The following NDE1 variants were observed in gnomAD, a reference collection of about 807,000 sequenced individuals.
NDE1 encodes the protein nuclear distribution protein nudE homolog 1.
A neutral mutation model predicts 43.4 loss-of-function variants in NDE1; 28 were observed. That is an observed-to-expected ratio of 0.65 (90% CI 0.48 to 0.89). The LOEUF (loss-of-function observed/expected upper bound fraction) is 0.89, where lower values mean the gene tolerates loss of function less well. Among genes scored for constraint, NDE1 ranks in the 40% least tolerant of loss-of-function variants. NDE1 has a pLI of 0.00. For synonymous variants in NDE1, 184 were observed against 172.0 expected, an observed-to-expected ratio of 1.07 and a Z score of -0.55; for missense variants, 441 against 434.1, an observed-to-expected ratio of 1.02 and a Z score of -0.14.
chr16:15,711,962 G>A (rs931725386), intron 8 of NDE1, among the ~76,000 whole-genome samples: 4 of 152,178 alleles, frequency 2.6e-5, no homozygotes, highest in Non-Finnish European at 5.9e-5. Flanking sequence ...CAAAGTGCTG[G>A]GATTAAGGGG....
At chr16:15,699,961 C>G in intron 8 of NDE1, 1 of 1,208,762 alleles carries the variant, frequency 8.3e-7, no homozygotes, top group Non-Finnish European at 1.1e-6. Flanking sequence ...GCGGCCCAAG[C>G]CAATGACCGA....
chr16:15,712,474 C>A (rs990316373), intron 8 of NDE1, among the ~76,000 whole-genome samples: 1 of 152,038 alleles, frequency 6.6e-6, no homozygotes, highest in South Asian at 2.1e-4. Context: ...ATGGTGCAAC[C>A]CCATCTCTAC....
In NDE1 at chr16:15,717,176, A is replaced by G. The variant is rs769337030; in HGVS notation, c.948-7015A>G. 13 of 1,614,010 alleles carry G rather than the reference A, an allele frequency of 8.1e-6. No individual in the cohort carries two copies. Among genetic ancestry groups the G allele is most frequent in the Non-Finnish European group, 1.0e-5 (12 of 1,180,022 alleles). On this transcript the variant is annotated intron_variant, in intron 8 of 8. Coordinates refer to ENST00000396354, the MANE Select transcript of NDE1 (RefSeq NM_017668.3). ...CTCGACCTGCTCCTCCAGCTGTGCA[A>G]TCTTGGCCTCCAGCGCCGCGATGGT... is the stretch of plus-strand genomic sequence containing the variant.
At chr16:15,706,655 C>T (rs1474430935) in intron 8 of NDE1, among the ~76,000 whole-genome samples, 1 of 151,120 alleles carries the variant, frequency 6.6e-6, no homozygotes, top group African/African-American at 2.4e-5. Context: ...TGCAGTGAGC[C>T]AACGTTGTGC....
chr16:15,716,392 G>A (rs1331527783), intron 8 of NDE1, among the ~76,000 whole-genome samples: 1 of 152,214 alleles, frequency 6.6e-6, no homozygotes, highest in Non-Finnish European at 1.5e-5. Context: ...GAGAATGGGT[G>A]AGAATCCTTA....
chr16:15,707,002 C>A (rs2039491729), intron 8 of NDE1, among the ~76,000 whole-genome samples: 1 of 152,112 alleles, frequency 6.6e-6, no homozygotes, highest in African/African-American at 2.4e-5. Flanking sequence ...ACTAAGGGAC[C>A]CCCCTAAAGG....
In NDE1 at chr16:15,704,036, C is replaced by T. The variant is rs761000142; in HGVS notation, c.947+7176C>T. On this transcript the variant is annotated intron_variant, in intron 8 of 8. Transcript: ENST00000396354. ...CATTGAAGTCTGCGTCTCGAGTGTC[C>T]GTTTCCTCCTCAGAACCATCTGCAT... is the stretch of plus-strand genomic sequence containing the variant. 1.8e-5 allele frequency: 29 copies of T among 1,613,918 alleles called. No individual in the cohort carries two copies. Among genetic ancestry groups the T allele is most frequent in the Admixed American group, 1.0e-4 (6 of 59,964 alleles).
At chr16:15,694,555 C>A in intron 7 of NDE1, 1 of 882,312 alleles carries the variant, frequency 1.1e-6, no homozygotes, top group Non-Finnish European at 1.4e-6. Context: ...GCTGTGTTGC[C>A]CAGGCTGGTC....
chr16:15,709,593 G>A (rs1279353430), intron 8 of NDE1, among the ~76,000 whole-genome samples: 1 of 152,198 alleles, frequency 6.6e-6, no homozygotes, highest in Non-Finnish European at 1.5e-5. Flanking sequence ...GGGATTACAG[G>A]TGTGAGCCAC....
exon 1 of NDE1, chr16:15,643,801 A>G (rs1296194513): frequency 6.4e-6 from 1 of 156,170 alleles, no homozygotes; most frequent in Non-Finnish European, 1.4e-5. Context: ...ATTGCCACCA[A>G]GAATCAAGAG....
intron 8 of NDE1, among the ~76,000 whole-genome samples, chr16:15,698,671 G>A (rs924154618): frequency 1.3e-5 from 2 of 151,890 alleles, no homozygotes; most frequent in African/African-American, 4.8e-5. Flanking sequence ...GACCAAACTG[G>A]GCAACATGGT....
intron 1 of NDE1, among the ~76,000 whole-genome samples, chr16:15,661,839 C>G (rs975323617): frequency 6.6e-6 from 1 of 152,108 alleles, no homozygotes; most frequent in Non-Finnish European, 1.5e-5. Flanking sequence ...TCCTTTTTCT[C>G]TCTCCCCTGC....
At position 15,643,529 on chromosome 16, in the gene NDE1, C is replaced by T. The variant is rs79063947; in HGVS notation, c.-564C>T. 2.9e-3 allele frequency: 1,052 copies of T among 361,894 alleles called. 36 individuals are homozygous for T. In the East Asian group the frequency reaches 0.086, roughly 29 times the overall value. 22.4% of individuals were successfully genotyped at this position (361,894 alleles called of 1,614,324 possible). A position where few individuals can be genotyped will look rare whatever the true frequency, so the allele number is the denominator to read the frequency against. ...GCTCTTTCAGGCTTTGGAGGGAAGG[C>T]GATTTGAACGGGATTTCAATGAAAA... On this transcript the variant is annotated 5_prime_UTR_variant, in exon 1 of 10. Transcript: ENST00000396355.
intron 4 of NDE1, among the ~76,000 whole-genome samples, chr16:15,680,002 C>T (rs1449320591): frequency 1.3e-5 from 2 of 152,156 alleles, no homozygotes; most frequent in Non-Finnish European, 2.9e-5. Context: ...TGGTCTCATA[C>T]TCCTGACCTG....
Position 15,725,555 on chromosome 16 carries a change from TC to T in NDE1, c.*1307del. The T allele has an allele frequency of 2.4e-6, 1 of 410,258 alleles. No homozygotes were observed. The allele number at this position is 410,258 out of a possible 1,614,324, so 25.4% of individuals were successfully genotyped here. A position where few individuals can be genotyped will look rare whatever the true frequency, so the allele number is the denominator to read the frequency against. Reference sequence around the variant, plus strand: ...TTACTCCCTAGTGTCTCTGCATAAGTCCCTTTGAGGCTGTTAGCCTACCCCT... The same window carrying T: ...TTACTCCCTAGTGTCTCTGCATAAGTCCTTTGAGGCTGTTAGCCTACCCCT... On this transcript the variant is annotated 3_prime_UTR_variant, in exon 9 of 9. Coordinates refer to ENST00000396354, the MANE Select transcript of NDE1 (RefSeq NM_017668.3).
intron 6 of NDE1, among the ~76,000 whole-genome samples, chr16:15,692,762 A>G (rs1466241341): frequency 6.6e-6 from 1 of 151,872 alleles, no homozygotes; most frequent in African/African-American, 2.4e-5. Context: ...TTAGAGACAC[A>G]GTCTTGGTCT....
At chr16:15,714,692 C>G in intron 8 of NDE1, 1 of 634,760 alleles carries the variant, frequency 1.6e-6, no homozygotes, top group Admixed American at 2.8e-5. Flanking sequence ...GTTAAAGGAT[C>G]TAGAAGGTTA....
chr16:15,725,963 T>G lies in NDE1; in HGVS notation c.*1712T>G. 6.1e-6 allele frequency: 2 copies of G among 330,242 alleles called. No homozygotes were observed. The highest frequency in any genetic ancestry group is 5.4e-6 in the Non-Finnish European group (1 of 184,398). 20.5% of individuals were successfully genotyped at this position (330,242 alleles called of 1,614,324 possible). A position where few individuals can be genotyped will look rare whatever the true frequency, so the allele number is the denominator to read the frequency against. ...AACCCCACTCTGTACTATCTCCCCC[T>G]ACCCCCAACCCCAGCTGGGCACTCC... On this transcript the variant is annotated 3_prime_UTR_variant, in exon 9 of 9. Transcript: ENST00000396354.
chr16:15,724,540 G>T lies in NDE1; in HGVS notation c.*289G>T, dbSNP rs2040651527. On this transcript the variant is annotated 3_prime_UTR_variant, in exon 9 of 9. Transcript: ENST00000396354. ...AACCCAATAGCAGGGGAAGCTGGGG[G>T]GTCAAGCACCATCGCACCAACACTC... is the stretch of plus-strand genomic sequence containing the variant. 2 of 1,606,140 alleles carry T rather than the reference G, an allele frequency of 1.2e-6. No homozygotes were observed. Among genetic ancestry groups the T allele is most frequent in the African/African-American group, 2.7e-5 (2 of 74,860 alleles).
Sources: allele counts gnomAD v4.1 joint callset (sites outside exome capture counted in the v4.1 genomes callset), GRCh38; gene constraint gnomAD v4.1.1; transcripts MANE v1.5; gene names NCBI Gene and HGNC (gene_info 2026-07-23, HGNC 2026-07-21).